The following NRXN3 variants were observed in gnomAD, a reference collection of about 807,000 sequenced individuals.
The protein encoded by NRXN3 is neurexin 3, also known as neurexin III.
Under a neutral mutation model 137.6 loss-of-function variants are expected in NRXN3, and 32 were observed. That is an observed-to-expected ratio of 0.23 (90% confidence interval 0.18 to 0.31). The LOEUF (loss-of-function observed/expected upper bound fraction) is 0.31, where lower values mean the gene tolerates loss of function less well. Among genes scored for constraint, NRXN3 ranks in the 10% least tolerant of loss-of-function variants. The pLI is 1.00. For synonymous variants in NRXN3, 798 were observed against 784.5 expected, an observed-to-expected ratio of 1.02 and a Z score of -0.29; for missense variants, 1,574 against 2,062.5, an observed-to-expected ratio of 0.76 and a Z score of 4.59.
chr14:79,339,079 A>C lies in NRXN3; in HGVS notation c.3263-128142A>C, dbSNP rs565608444. Among the ~76,000 whole-genome samples the C allele has an allele frequency of 1.9e-4, 29 of 150,648 alleles. No individual in the cohort carries two copies. In the South Asian group the frequency reaches 5.3e-3, roughly 27 times the overall value. On this transcript the variant is annotated intron_variant, in intron 15 of 20. Coordinates refer to ENST00000335750, the MANE Select transcript of NRXN3 (RefSeq NM_001330195.2). Reference sequence around the variant, plus strand: ...TCAGTCCCTCCCTCCCCACCCACTGACCTCTCTCTGGGATCACACACCAAC... The same window carrying C: ...TCAGTCCCTCCCTCCCCACCCACTGCCCTCTCTCTGGGATCACACACCAAC...
chr14:79,522,177 A>G (rs1372821163), intron 16 of NRXN3, among the ~76,000 whole-genome samples: 2 of 152,192 alleles, frequency 1.3e-5, no homozygotes, highest in African/African-American at 2.4e-5. Flanking sequence ...ACTGTAATGC[A>G]CAGGGGAAAA....
At chr14:79,680,407 A>G (rs2098664097) in intron 17 of NRXN3, among the ~76,000 whole-genome samples, 1 of 151,902 alleles carries the variant, frequency 6.6e-6, no homozygotes, top group Non-Finnish European at 1.5e-5. Flanking sequence ...GAACAACAGA[A>G]AAAAAGGTAA....
At chr14:78,846,686 C>T (rs1054076796) in intron 10 of NRXN3, among the ~76,000 whole-genome samples, 4 of 152,030 alleles carry the variant, frequency 2.6e-5, no homozygotes, top group African/African-American at 9.7e-5. Flanking sequence ...AGATCCTAGA[C>T]AGTGTCCCTT....
chr14:79,505,733 C>T (rs1271054068), intron 16 of NRXN3, among the ~76,000 whole-genome samples: 1 of 152,186 alleles, frequency 6.6e-6, no homozygotes, highest in South Asian at 2.1e-4. Context: ...TATTACTTTC[C>T]TATGCCCAAC....
chr14:78,932,800 C>G (rs959411100), intron 10 of NRXN3, among the ~76,000 whole-genome samples: 1 of 152,092 alleles, frequency 6.6e-6, no homozygotes, highest in South Asian at 2.1e-4. Context: ...ATCCTTCCAC[C>G]TTTATATATA....
intron 3 of NRXN3, among the ~76,000 whole-genome samples, chr14:78,284,298 G>A (rs908100382): frequency 2.6e-5 from 4 of 151,556 alleles, no homozygotes; most frequent in African/African-American, 7.3e-5. Context: ...TTTCTGTGAC[G>A]TGGAAGCCCC....
intron 16 of NRXN3, among the ~76,000 whole-genome samples, chr14:79,481,879 C>A (rs1489701216): frequency 1.3e-5 from 2 of 151,994 alleles, no homozygotes; most frequent in Non-Finnish European, 2.9e-5. Flanking sequence ...TCCTTATGCA[C>A]TGAGTCTGCT....
chr14:79,375,198 A>C (rs914823671), intron 15 of NRXN3, among the ~76,000 whole-genome samples: 4 of 150,180 alleles, frequency 2.7e-5, no homozygotes, highest in African/African-American at 9.8e-5. Flanking sequence ...ATAGTCATTT[A>C]ATGTTCTTGG....
chr14:78,174,451 C>T (rs1009566049), intron 1 of NRXN3, among the ~76,000 whole-genome samples: 3 of 152,102 alleles, frequency 2.0e-5, no homozygotes, highest in African/African-American at 7.2e-5. Context: ...CAGTTCTCCT[C>T]TCTACAGATG....
In NRXN3 at chr14:78,803,770, A is replaced by G; in HGVS notation, c.2195A>G (p.Asp732Gly). 1 of 1,613,992 alleles carries G rather than the reference A, an allele frequency of 6.2e-7. No individual in the cohort carries two copies. Among genetic ancestry groups the G allele is most frequent in the Non-Finnish European group, 8.5e-7 (1 of 1,179,972 alleles). The change falls in exon 9 of 21, where the codon GAC becomes GGC. Residue 732 changes from aspartate to glycine, a missense_variant. Physicochemically the swap from Asp to Gly is moderately conservative, Grantham distance 94 (BLOSUM62 -1). Coordinates refer to ENST00000335750, the MANE Select transcript of NRXN3 (RefSeq NM_001330195.2). Reference protein sequence around the residue: ...LVATTSRDSADTLRLELDGGR... With the variant: ...LVATTSRDSAGTLRLELDGGR... ...GCTACGACCTCCAGGGACTCTGCCG[A>G]CACCCTGCGTCTGGAGCTGGATGGG...
chr14:78,698,227 A>G (rs1354133165), intron 6 of NRXN3: 1 of 152,232 alleles, frequency 6.6e-6, no homozygotes, highest in Non-Finnish European at 1.5e-5. Context: ...TGGATTGCTT[A>G]CAATACCTGC....
At chr14:78,674,265 C>T (rs1208413325) in intron 6 of NRXN3, among the ~76,000 whole-genome samples, 1 of 152,164 alleles carries the variant, frequency 6.6e-6, no homozygotes, top group African/African-American at 2.4e-5. Flanking sequence ...AATCTATTTG[C>T]TTATAAAGGC....
At chr14:78,979,415 A>G (rs1486311895) in intron 14 of NRXN3, among the ~76,000 whole-genome samples, 1 of 152,142 alleles carries the variant, frequency 6.6e-6, no homozygotes, top group Non-Finnish European at 1.5e-5. Flanking sequence ...CTATAGACTT[A>G]TTTATATGAG....
At chr14:79,357,537 G>A (rs912832574) in intron 15 of NRXN3, among the ~76,000 whole-genome samples, 2 of 151,986 alleles carry the variant, frequency 1.3e-5, no homozygotes, top group South Asian at 2.1e-4. Context: ...AGTATTTACC[G>A]TTGACTTCCA....
intron 14 of NRXN3, among the ~76,000 whole-genome samples, chr14:78,972,254 C>T (rs577669004): frequency 8.6e-4 from 131 of 152,300 alleles, no homozygotes; most frequent in Non-Finnish European, 1.1e-3. Context: ...AAGAAATACA[C>T]GTGCTTTGTT....
intron 2 of NRXN3, among the ~76,000 whole-genome samples, chr14:78,252,003 A>G (rs914711478): frequency 3.9e-5 from 6 of 152,122 alleles, no homozygotes; most frequent in Non-Finnish European, 8.8e-5. Flanking sequence ...GTGGGTTGTC[A>G]TTATTGCTGT....
chr14:79,283,312 GTTT>G (rs2081601598), intron 15 of NRXN3, among the ~76,000 whole-genome samples: 1 of 152,172 alleles, frequency 6.6e-6, no homozygotes, highest in South Asian at 2.1e-4. Flanking sequence ...AGAGATTGTT[GTTT>G]TTTTAACTAC....
intron 4 of NRXN3, among the ~76,000 whole-genome samples, chr14:78,350,642 C>A (rs214030): frequency 0.95 from 144,709 of 152,194 alleles, 68,826 homozygotes; most frequent in Admixed American, 0.98. Flanking sequence ...TGCATTTTTT[C>A]AACAATTTAA....
intron 11 of NRXN3, among the ~76,000 whole-genome samples, chr14:78,958,083 T>G (rs1401604948): frequency 6.6e-6 from 1 of 152,146 alleles, no homozygotes; most frequent in East Asian, 1.9e-4. Context: ...ATTACCTGTT[T>G]CCTCAAATAA....
Sources: gnomAD v4.1 joint callset for allele counts (sites outside exome capture counted in the v4.1 genomes callset) on GRCh38, gnomAD v4.1.1 for gene constraint, MANE v1.5 for transcripts, NCBI Gene and HGNC (gene_info 2026-07-23, HGNC 2026-07-21) for gene names.